MALRD1: variants seen among roughly 807,000 people sequenced by gnomAD.
MALRD1 encodes MAM and LDL receptor class A domain containing 1.
Under a neutral mutation model 242.1 loss-of-function variants are expected in MALRD1, and 247 were observed. The observed-to-expected ratio is 1.02, with a 90% CI of 0.92 to 1.13. The LOEUF (loss-of-function observed/expected upper bound fraction) is 1.13, where lower values mean the gene tolerates loss of function less well. Among genes scored for constraint, MALRD1 ranks in the 50% most tolerant of loss-of-function variants. The pLI is 0.00. For synonymous variants in MALRD1, 995 were observed against 866.6 expected (o/e 1.15, Z -2.60); for missense variants, 2,989 against 2,533.1 (o/e 1.18, Z -3.86).
At chr10:19,477,560 C>T (rs927228511) in intron 29 of MALRD1, among the ~76,000 whole-genome samples, 1 of 152,112 alleles carries the variant, frequency 6.6e-6, no homozygotes, top group Non-Finnish European at 1.5e-5. Context: ...GGTTCATTGT[C>T]TCATGCCAGA....
At chr10:19,417,177 C>G (rs1011373902) in intron 28 of MALRD1, among the ~76,000 whole-genome samples, 2 of 152,116 alleles carry the variant, frequency 1.3e-5, no homozygotes, top group Non-Finnish European at 2.9e-5. Context: ...GTCTTTGCCT[C>G]CTTAATTTTT....
At chr10:19,238,507 T>TATAATATAC (rs1564492798) in intron 18 of MALRD1, among the ~76,000 whole-genome samples, 1 of 52,390 alleles carries the variant, frequency 1.9e-5, no homozygotes, top group South Asian at 4.4e-4. Flanking sequence ...TAATATAATA[T>TATAATATAC]ATAATGTATA....
At chr10:19,187,877 A>G (rs1835807297) in intron 14 of MALRD1, among the ~76,000 whole-genome samples, 1 of 152,146 alleles carries the variant, frequency 6.6e-6, no homozygotes, top group African/African-American at 2.4e-5. Flanking sequence ...GGGTTATGGG[A>G]TCTGTACTCC....
chr10:19,366,392 G>A (rs887928562), intron 26 of MALRD1, among the ~76,000 whole-genome samples: 5 of 152,050 alleles, frequency 3.3e-5, no homozygotes, highest in East Asian at 1.9e-4. Flanking sequence ...AGCTCAGGTG[G>A]TAATGTGAGT....
intron 14 of MALRD1, among the ~76,000 whole-genome samples, chr10:19,199,265 C>T (rs1454290259): frequency 3.9e-5 from 6 of 152,276 alleles, no homozygotes; most frequent in African/African-American, 1.4e-4. Flanking sequence ...CGGAATGTGT[C>T]CCGTGGTCAT....
intron 7 of MALRD1, among the ~76,000 whole-genome samples, chr10:19,125,055 CCT>C (rs1162770750): frequency 7.2e-6 from 1 of 138,896 alleles, no homozygotes; most frequent in Non-Finnish European, 1.5e-5. Context: ...AAGTGATTCT[CCT>C]GTCTCAGCCT....
intron 18 of MALRD1, among the ~76,000 whole-genome samples, chr10:19,243,593 C>A (rs1838899383): frequency 6.6e-6 from 1 of 151,870 alleles, no homozygotes; most frequent in Non-Finnish European, 1.5e-5. Context: ...CACATAGTTA[C>A]CAACAATCAA....
At chr10:19,079,973 A>G (rs965003333) in intron 2 of MALRD1, among the ~76,000 whole-genome samples, 1 of 152,068 alleles carries the variant, frequency 6.6e-6, no homozygotes, top group Admixed American at 6.6e-5. Flanking sequence ...ATATGCCAAC[A>G]TCTGGCAAGT....
chr10:19,598,845 A>T (rs559729924), intron 34 of MALRD1, among the ~76,000 whole-genome samples: 1 of 152,258 alleles, frequency 6.6e-6, no homozygotes, highest in South Asian at 2.1e-4. Flanking sequence ...GAAGACACTG[A>T]GAAGATGTGG....
chr10:19,469,451 A>G (rs1836388033), intron 29 of MALRD1, among the ~76,000 whole-genome samples: 1 of 152,152 alleles, frequency 6.6e-6, no homozygotes, highest in Non-Finnish European at 1.5e-5. Context: ...GTCACACAAC[A>G]AAATTGTATG....
At chr10:19,472,540 T>C (rs1192122321) in intron 29 of MALRD1, among the ~76,000 whole-genome samples, 3 of 152,042 alleles carry the variant, frequency 2.0e-5, no homozygotes, top group Non-Finnish European at 4.4e-5. Context: ...CCTGGGCTTT[T>C]CTTTGTTGAG....
chr10:19,295,739 A>C (rs2131938567), intron 21 of MALRD1, among the ~76,000 whole-genome samples: 1 of 152,260 alleles, frequency 6.6e-6, no homozygotes, highest in East Asian at 1.9e-4. Context: ...TATTTTGTTC[A>C]ACACTGTAGC....
At chr10:19,471,636 A>C (rs1167215769) in intron 29 of MALRD1, among the ~76,000 whole-genome samples, 1 of 134,860 alleles carries the variant, frequency 7.4e-6, no homozygotes. Flanking sequence ...TTTACTTTTC[A>C]GTATGCATAT....
intron 27 of MALRD1, among the ~76,000 whole-genome samples, chr10:19,388,149 C>T (rs914725968): frequency 2.6e-5 from 4 of 152,146 alleles, no homozygotes; most frequent in African/African-American, 9.7e-5. Context: ...ATCATCTTCT[C>T]TGTAAGCATG....
At chr10:19,656,820 T>A (rs1306709925) in intron 36 of MALRD1, among the ~76,000 whole-genome samples, 1 of 152,140 alleles carries the variant, frequency 6.6e-6, no homozygotes, top group African/African-American at 2.4e-5. Context: ...GCATTTTATT[T>A]TGGGACTCTT....
chr10:19,687,552 C>T (rs779496151), intron 36 of MALRD1, among the ~76,000 whole-genome samples: 2 of 152,146 alleles, frequency 1.3e-5, no homozygotes, highest in South Asian at 2.1e-4. Context: ...ATCCACTTTC[C>T]TTGTCCTATT....
intron 2 of MALRD1, among the ~76,000 whole-genome samples, chr10:19,086,434 A>G (rs1228301963): frequency 1.3e-5 from 2 of 152,074 alleles, no homozygotes; most frequent in African/African-American, 4.8e-5. Flanking sequence ...CTCAGATTAT[A>G]TGCTAGAACT....
chr10:19,641,862 G>A (rs547164246), intron 36 of MALRD1, among the ~76,000 whole-genome samples: 15 of 152,172 alleles, frequency 9.9e-5, no homozygotes, highest in South Asian at 4.1e-4. Context: ...GCCCATGTAT[G>A]TTAAATGACC....
intron 36 of MALRD1, among the ~76,000 whole-genome samples, chr10:19,673,150 A>C (rs568771660): frequency 6.6e-6 from 1 of 152,232 alleles, no homozygotes; most frequent in Non-Finnish European, 1.5e-5. Flanking sequence ...TGGGAGGCTG[A>C]GGAGGGCAGA....
Sources: gnomAD v4.1 joint callset for allele counts (sites outside exome capture counted in the v4.1 genomes callset) on GRCh38, gnomAD v4.1.1 for gene constraint, MANE v1.5 for transcripts, NCBI Gene and HGNC (gene_info 2026-07-23, HGNC 2026-07-21) for gene names.